The following SND1 variants were observed in gnomAD, a reference collection of about 807,000 sequenced individuals.
The protein encoded by SND1 is staphylococcal nuclease and tudor domain containing 1.
In SND1, 38 loss-of-function variants were observed where a neutral mutation model predicts 121.7. The ratio of observed to expected loss-of-function variants is 0.31; its 90% confidence interval spans 0.24 to 0.41. The LOEUF is 0.41. Ranked by LOEUF, SND1 falls within the 10% of genes least tolerant of loss-of-function variation. SND1 has a pLI of 1.00. For missense variants in SND1, 868 were observed against 1,184.6 expected (o/e 0.73, Z 3.92); for synonymous variants, 401 against 447.4 (o/e 0.90, Z 1.31).
intron 22 of SND1, 194 bp downstream of exon 22, chr7:128,089,886 C>T (rs1584783886): frequency 1.0e-5 from 6 of 589,878 alleles, no homozygotes; most frequent in East Asian, 5.9e-5. Flanking sequence ...TAATTGGCTG[C>T]GGGTTTGGCT....
chr7:127,952,089 T>C (rs568425205), intron 15 of SND1, among the ~76,000 whole-genome samples: 1 of 152,342 alleles, frequency 6.6e-6, no homozygotes, highest in East Asian at 1.9e-4. Flanking sequence ...TCCAAAAGAC[T>C]CTAAACTCCT....
chr7:127,774,898 T>G (rs1020066059), intron 10 of SND1, among the ~76,000 whole-genome samples: 1 of 152,148 alleles, frequency 6.6e-6, no homozygotes, highest in Non-Finnish European at 1.5e-5. Flanking sequence ...TACACTGCAT[T>G]TTTACTGTAC....
chr7:127,675,739 T>C (rs1795604140), intron 1 of SND1, among the ~76,000 whole-genome samples: 1 of 152,218 alleles, frequency 6.6e-6, no homozygotes, highest in African/African-American at 2.4e-5. Flanking sequence ...CCTCCTCTGA[T>C]AAGTTAACAC....
At chr7:127,927,121 G>GT (rs1163132067) in intron 14 of SND1, among the ~76,000 whole-genome samples, 2 of 152,050 alleles carry the variant, frequency 1.3e-5, no homozygotes, top group African/African-American at 4.8e-5. Flanking sequence ...TATAAAGTAG[G>GT]TAAGAGTTTA....
At chr7:127,870,999 A>C (rs1799574224) in intron 12 of SND1, among the ~76,000 whole-genome samples, 1 of 152,074 alleles carries the variant, frequency 6.6e-6, no homozygotes, top group Non-Finnish European at 1.5e-5. Context: ...TTATTTATTT[A>C]TTTTACTTTT....
chr7:127,796,496 T>C (rs548378174), intron 10 of SND1, among the ~76,000 whole-genome samples: 27 of 152,204 alleles, frequency 1.8e-4, no homozygotes, highest in Non-Finnish European at 3.1e-4. Flanking sequence ...ACAGCTTTTT[T>C]TCTCGTTCAT....
intron 16 of SND1, among the ~76,000 whole-genome samples, chr7:128,033,249 G>A (rs530751935): frequency 6.6e-5 from 10 of 152,314 alleles, no homozygotes; most frequent in Admixed American, 4.6e-4. Flanking sequence ...GTAGGAGAAG[G>A]GGACTAGGTC....
rs1328243906 is a variant in SND1 at position 128,089,598 on chromosome 7, A to G, written c.2528A>G (p.Gln843Arg). Residue 843 changes from glutamine to arginine, a missense_variant, in exon 22 of 24, where the codon CAG becomes CGG. By Grantham distance (43) the Gln-to-Arg change is conservative. This residue lies in a region of SND1 where 743 missense variants were observed against 1,071.3 expected (regional missense o/e 0.69). Coordinates refer to ENST00000354725, the MANE Select transcript of SND1 (RefSeq NM_014390.4). ...GCCGGCTGCCCCCATGTCACCCTGC[A>G]GTTTGCAGATTCCAAGGGCGATGTG... ...LSAGCPHVTL[Q>R]FADSKGDVGL... The G allele has an allele frequency of 2.5e-6, 4 of 1,614,038 alleles. No homozygotes were observed. Among genetic ancestry groups the G allele is most frequent in the Non-Finnish European group, 3.4e-6 (4 of 1,180,034 alleles).
intron 15 of SND1, among the ~76,000 whole-genome samples, chr7:127,970,422 A>C (rs1801957308): frequency 6.6e-6 from 1 of 152,216 alleles, no homozygotes; most frequent in Non-Finnish European, 1.5e-5. Flanking sequence ...TCGATTTCTA[A>C]GGTTCTTTCT....
In SND1 at chr7:127,689,975, A is replaced by G. The variant is rs1031875404; in HGVS notation, c.228+3213A>G. Among the ~76,000 whole-genome samples, 33 of 126,038 alleles carry G rather than the reference A, an allele frequency of 2.6e-4. 1 individual carries two copies. The highest frequency in any genetic ancestry group is 3.1e-4 in the Non-Finnish European group (20 of 63,638). The allele number at this position is 126,038 out of a possible 152,430, so 82.7% of individuals were successfully genotyped here. On this transcript the variant is annotated intron_variant, in intron 2 of 23. Transcript: ENST00000354725. ...GACATCCAGGCCTTTAACAAGGCCT[A>G]GGGATTCTGCCTCCTTAAAACCTCT...
intron 10 of SND1, among the ~76,000 whole-genome samples, chr7:127,723,504 G>A (rs1469476411): frequency 6.6e-6 from 1 of 152,174 alleles, no homozygotes; most frequent in South Asian, 2.1e-4. Flanking sequence ...GAAGATGGAG[G>A]AATGATTTCC....
intron 13 of SND1, among the ~76,000 whole-genome samples, chr7:127,893,540 A>G (rs1800055705): frequency 6.6e-6 from 1 of 152,132 alleles, no homozygotes; most frequent in Non-Finnish European, 1.5e-5. Flanking sequence ...TCGGATGTAT[A>G]TATTCAGAAA....
chr7:127,872,110 A>C (rs1429081137), intron 12 of SND1, among the ~76,000 whole-genome samples: 3 of 152,212 alleles, frequency 2.0e-5, no homozygotes, highest in Non-Finnish European at 2.9e-5. Flanking sequence ...CAGCCTGGGC[A>C]ACAAAGTGAG....
chr7:127,684,354 A>G (rs191564771), intron 1 of SND1, among the ~76,000 whole-genome samples: 1 of 152,260 alleles, frequency 6.6e-6, no homozygotes, highest in African/African-American at 2.4e-5. Flanking sequence ...CTAGAAACAG[A>G]TGTTCTGGTT....
chr7:127,826,452 T>G (rs1798644827), intron 11 of SND1, among the ~76,000 whole-genome samples: 1 of 152,200 alleles, frequency 6.6e-6, no homozygotes, highest in East Asian at 1.9e-4. Context: ...TTTGAGAGGA[T>G]GTAAAGATTA....
At chr7:127,658,867 T>C (rs921557973) in intron 1 of SND1, among the ~76,000 whole-genome samples, 1 of 152,148 alleles carries the variant, frequency 6.6e-6, no homozygotes, top group Non-Finnish European at 1.5e-5. Context: ...ATTGGCCAGG[T>C]TTTTGAATTC....
At chr7:127,759,178 G>A (rs1797254254) in intron 10 of SND1, among the ~76,000 whole-genome samples, 1 of 152,108 alleles carries the variant, frequency 6.6e-6, no homozygotes, top group African/African-American at 2.4e-5. Context: ...GAATCGATAA[G>A]AATCGTCAGA....
At chr7:127,888,409 C>T (rs950871514) in intron 13 of SND1, among the ~76,000 whole-genome samples, 2 of 152,130 alleles carry the variant, frequency 1.3e-5, no homozygotes, top group Admixed American at 6.6e-5. Context: ...TAGCCCCTCC[C>T]GTTTACCACC....
At chr7:127,907,202 C>G (rs766551552) in intron 14 of SND1, among the ~76,000 whole-genome samples, 4 of 152,162 alleles carry the variant, frequency 2.6e-5, no homozygotes, top group Non-Finnish European at 5.9e-5. Context: ...TTGGTGCCCT[C>G]TTTAATAGAG....
Sources: gnomAD v4.1 joint callset for allele counts (sites outside exome capture counted in the v4.1 genomes callset) on GRCh38, gnomAD v4.1.1 for gene constraint, gnomAD v4.1.1 regional missense constraint, MANE v1.5 for transcripts, NCBI Gene and HGNC (gene_info 2026-07-23, HGNC 2026-07-21) for gene names.